MAP4K3: variants seen among roughly 807,000 people sequenced by gnomAD.
The protein encoded by MAP4K3 is mitogen-activated protein kinase kinase kinase kinase 3, also known as MAPK/ERK kinase kinase kinase 3.
Under a neutral mutation model 143.5 loss-of-function variants are expected in MAP4K3, and 94 were observed. That is an observed-to-expected ratio of 0.65 (90% CI 0.55 to 0.78). The LOEUF (loss-of-function observed/expected upper bound fraction) is 0.78. Among genes scored for constraint, MAP4K3 ranks in the 30% least tolerant of loss-of-function variants. MAP4K3 has a pLI of 0.00. For missense variants in MAP4K3, 1,077 were observed against 1,068.1 expected (o/e 1.01, Z -0.12); for synonymous variants, 416 against 347.2 (o/e 1.20, Z -2.20).
intron 1 of MAP4K3, among the ~76,000 whole-genome samples, chr2:39,409,590 G>C (rs949984450): frequency 7.2e-5 from 11 of 152,164 alleles, no homozygotes; most frequent in African/African-American, 2.7e-4. Flanking sequence ...AGCTAAACTA[G>C]ATGTTTCAGC....
chr2:39,289,079 A>C (rs1681920822), intron 19 of MAP4K3, among the ~76,000 whole-genome samples: 2 of 152,076 alleles, frequency 1.3e-5, no homozygotes, highest in African/African-American at 2.4e-5. Context: ...AAAAACAAAA[A>C]ACGTTATCAT....
chr2:39,423,439 A>T (rs1664954819), intron 1 of MAP4K3, among the ~76,000 whole-genome samples: 1 of 152,208 alleles, frequency 6.6e-6, no homozygotes, highest in Admixed American at 6.5e-5. Context: ...TGAGCTGAAA[A>T]TTTATGTCCA....
chr2:39,323,450 C>T (rs1683384597), intron 12 of MAP4K3: 1 of 152,152 alleles, frequency 6.6e-6, no homozygotes. Context: ...AGGATATAGG[C>T]AGTCCTTGTT....
intron 15 of MAP4K3, among the ~76,000 whole-genome samples, chr2:39,303,511 C>T (rs1421208003): frequency 6.6e-6 from 1 of 151,944 alleles, no homozygotes; most frequent in African/African-American, 2.4e-5. Context: ...ATTTATGCCC[C>T]TACATAGTCA....
At chr2:39,326,965 A>C (rs1367860132) in intron 8 of MAP4K3, among the ~76,000 whole-genome samples, 2 of 152,102 alleles carry the variant, frequency 1.3e-5, no homozygotes, top group Non-Finnish European at 2.9e-5. Context: ...TTTGTTTATA[A>C]ATTTTAAAAA....
At chr2:39,357,560 A>T (rs2148554557) in intron 2 of MAP4K3, among the ~76,000 whole-genome samples, 1 of 152,346 alleles carries the variant, frequency 6.6e-6, no homozygotes, top group South Asian at 2.1e-4. Context: ...GGAAAGAAAT[A>T]ATGGAGAAGA....
At chr2:39,300,342 T>C (rs999603339) in intron 15 of MAP4K3, among the ~76,000 whole-genome samples, 1 of 152,208 alleles carries the variant, frequency 6.6e-6, no homozygotes, top group African/African-American at 2.4e-5. Context: ...TGAAGGACTT[T>C]TAATAATTTT....
intron 1 of MAP4K3, among the ~76,000 whole-genome samples, chr2:39,390,610 T>C (rs1287769221): frequency 6.6e-6 from 1 of 152,138 alleles, no homozygotes; most frequent in African/African-American, 2.4e-5. Context: ...GAGGAAGGGA[T>C]GCCCAGGGCT....
intron 2 of MAP4K3, among the ~76,000 whole-genome samples, chr2:39,375,205 GCCACGATCCTA>G (rs1558674180): frequency 6.6e-6 from 1 of 152,082 alleles, no homozygotes; most frequent in East Asian, 1.9e-4. Context: ...ACTGCAGTGA[GCCACGATCCTA>G]CCACTGCACT....
chr2:39,403,026 T>C (rs1408705639), intron 1 of MAP4K3, among the ~76,000 whole-genome samples: 2 of 152,288 alleles, frequency 1.3e-5, no homozygotes, highest in East Asian at 3.9e-4. Flanking sequence ...GCCCTATATT[T>C]CTAAAAGAAA....
chr2:39,337,751 A>ATTT lies in MAP4K3; in HGVS notation c.311-171_311-170insAAA, dbSNP rs1573169563. ...CTACTGTCCTACTGTGCCTGGCTCCAGTTTTTTTTTTTTTTTTTTTTTTTT... is the reference window on the plus strand; with the variant it reads ...CTACTGTCCTACTGTGCCTGGCTCCATTTGTTTTTTTTTTTTTTTTTTTTTTTT... On this transcript the variant is annotated intron_variant, in intron 4 of 33. Transcript: ENST00000263881. 2.4e-4 allele frequency among the ~76,000 whole-genome samples: 19 copies of ATTT among 80,114 alleles called. No homozygotes were observed. In the East Asian group the frequency reaches 5.3e-3, roughly 23 times the overall value. The allele number at this position is 80,114 out of a possible 152,430, so 52.6% of individuals were successfully genotyped here.
chr2:39,372,916 A>C (rs2148574405), intron 2 of MAP4K3, among the ~76,000 whole-genome samples: 1 of 152,346 alleles, frequency 6.6e-6, no homozygotes, highest in Non-Finnish European at 1.5e-5. Flanking sequence ...AGGCACTAGC[A>C]ACCAAGCAAA....
At chr2:39,258,815 T>C (rs973435996) in intron 29 of MAP4K3, among the ~76,000 whole-genome samples, 8 of 152,224 alleles carry the variant, frequency 5.3e-5, no homozygotes, top group Admixed American at 1.3e-4. Flanking sequence ...CTACTGGCAA[T>C]GCGGAACACA....
At chr2:39,391,249 C>T (rs1389375121) in intron 1 of MAP4K3, among the ~76,000 whole-genome samples, 1 of 143,784 alleles carries the variant, frequency 7.0e-6, no homozygotes, top group East Asian at 2.3e-4. Context: ...GTCTCAGCTA[C>T]TCGGGAGGCT....
intron 2 of MAP4K3, among the ~76,000 whole-genome samples, chr2:39,359,492 C>T (rs1665705322): frequency 6.6e-6 from 1 of 152,190 alleles, no homozygotes. Context: ...ATCTACCATT[C>T]TGAGATCCAG....
At chr2:39,251,791 C>T (rs376909616) in intron 33 of MAP4K3, 39 bp downstream of exon 33, 60 of 1,532,324 alleles carry the variant, frequency 3.9e-5, no homozygotes, top group African/African-American at 6.8e-5. Flanking sequence ...CTATAAAACA[C>T]GTTTAGTACT....
intron 4 of MAP4K3, among the ~76,000 whole-genome samples, chr2:39,341,654 TAA>T (rs1488362937): frequency 2.1e-5 from 3 of 141,526 alleles, no homozygotes; most frequent in Admixed American, 7.1e-5. Context: ...AGACTCCGTT[TAA>T]AAAAAAAAAA....
chr2:39,267,159 G>T, intron 27 of MAP4K3, 30 bp downstream of exon 27: 1 of 1,608,194 alleles, frequency 6.2e-7, no homozygotes, highest in Non-Finnish European at 8.5e-7. Flanking sequence ...GAGTCTCAGA[G>T]AGCTATATGC....
chr2:39,342,108 GTATTATTATTATTAT>G (rs113261872), intron 4 of MAP4K3, among the ~76,000 whole-genome samples: 18,300 of 143,000 alleles, frequency 0.13, 2,229 homozygotes, highest in African/African-American at 0.33. Context: ...TGTCTTTCTA[GTATTATTATTATTAT>G]TATTATTATT....
Sources: allele counts gnomAD v4.1 joint callset (sites outside exome capture counted in the v4.1 genomes callset), GRCh38; gene constraint gnomAD v4.1.1; transcripts MANE v1.5; gene names NCBI Gene and HGNC (gene_info 2026-07-23, HGNC 2026-07-21).